Variants in ZFAND2A observed in about 807,000 individuals in gnomAD.
ZFAND2A encodes zinc finger AN1-type containing 2A, also known as AN1-type zinc finger protein 2A.
In ZFAND2A, 20 loss-of-function variants were observed where a neutral mutation model predicts 11.6. That is an observed-to-expected ratio of 1.72 (90% CI 1.21 to 2.50). The LOEUF is 2.50. Among genes scored for constraint, ZFAND2A ranks in the 30% most tolerant of loss-of-function variants. ZFAND2A has a pLI of 0.00. For synonymous variants in ZFAND2A, 93 were observed against 60.6 expected (o/e 1.54, Z -2.48); for missense variants, 234 against 182.9 (o/e 1.28, Z -1.61).
intron 4 of ZFAND2A, among the ~76,000 whole-genome samples, chr7:1,154,018 G>A (rs1793461833): frequency 6.6e-6 from 1 of 152,070 alleles, no homozygotes; most frequent in Non-Finnish European, 1.5e-5. Flanking sequence ...AGGTGCTGCT[G>A]GGAGGACAAC....
In ZFAND2A at chr7:1,157,638, G is replaced by T; in HGVS notation, c.150+18C>A. ...CAGACGGTGAAGATGAGAATCTTTT[G>T]AACAAAGGATCAATTACCTTCTGGA... On this transcript the variant is annotated intron_variant, in intron 3 of 4. Transcript: ENST00000316495. 6.4e-7 allele frequency: 1 copy of T among 1,574,190 alleles called. No homozygotes were observed. Among genetic ancestry groups the T allele is most frequent in the South Asian group, 1.2e-5 (1 of 83,726 alleles).
At chr7:1,157,621 G>C (rs374006523) in intron 3 of ZFAND2A, 35 bp downstream of exon 3, 14 of 1,560,394 alleles carry the variant, frequency 9.0e-6, no homozygotes, top group Non-Finnish European at 1.1e-5. Context: ...TTCAGACGGT[G>C]AAGATGAGAA....
chr7:1,155,765 G>T, intron 3 of ZFAND2A, 181 bp from the exon 4 acceptor site: 1 of 676,736 alleles, frequency 1.5e-6, no homozygotes, highest in South Asian at 2.0e-5. Context: ...TCTCTAGAAT[G>T]TGGGCATCAG....
downstream of ZFAND2A, among the ~76,000 whole-genome samples, chr7:1,152,619 A>AGTAGCAC (rs1393205971): frequency 6.6e-6 from 1 of 152,240 alleles, no homozygotes; most frequent in African/African-American, 2.4e-5. Context: ...AGAGGTCACG[A>AGTAGCAC]CTGTGGGATC....
At chr7:1,159,888 C>A (rs1344063728) in intron 1 of ZFAND2A, 76 bp downstream of exon 1, 2 of 177,990 alleles carry the variant, frequency 1.1e-5, no homozygotes, top group Non-Finnish European at 1.2e-5. Flanking sequence ...GCAGACAGGC[C>A]GAACCCCCGA....
downstream of ZFAND2A, among the ~76,000 whole-genome samples, chr7:1,149,708 G>C (rs556474047): frequency 2.6e-5 from 4 of 152,354 alleles, no homozygotes; most frequent in Non-Finnish European, 4.4e-5. Flanking sequence ...TGCGTGCAGA[G>C]TGCTACTGCG....
chr7:1,150,598 G>C (rs1020366110), downstream of ZFAND2A, among the ~76,000 whole-genome samples: 2 of 152,154 alleles, frequency 1.3e-5, no homozygotes, highest in African/African-American at 2.4e-5. Context: ...CACGAAGGCC[G>C]CATCTGTCAT....
chr7:1,157,747 A>G lies in ZFAND2A; in HGVS notation c.59T>C (p.Phe20Ser). The G allele has an allele frequency of 6.4e-7, 1 of 1,551,384 alleles. No homozygotes were observed. The highest frequency in any genetic ancestry group is 8.7e-7 in the Non-Finnish European group (1 of 1,153,492). Residue 20 changes from phenylalanine to serine, a missense_variant, in exon 3 of 5, where the codon TTT becomes TCT. Transcript: ENST00000316495. Reference protein sequence around the residue: ...CSEKTCKQLDFLPVKCDACKQ... With the variant: ...CSEKTCKQLDSLPVKCDACKQ... ...ACATGCATCACATTTTACTGGAAGA[A>G]AATCTAAAAAACAAAAAACAGGGAA...
downstream of ZFAND2A, among the ~76,000 whole-genome samples, chr7:1,152,691 T>C (rs1325850205): frequency 6.6e-6 from 1 of 151,982 alleles, no homozygotes; most frequent in African/African-American, 2.4e-5. Context: ...CATGTGAAGA[T>C]GAAGGTGGAG....
At position 1,155,575 on chromosome 7, in the gene ZFAND2A, C is replaced by T. The variant is rs373205829; in HGVS notation, c.160G>A (p.Val54Ile). The stretch of plus-strand genomic sequence containing the variant: ...GTATTACAGAGTGGGCATACTGGGA[C>T]GTGAACATCCTAAAAATAACAAAGG... The part of the protein sequence containing the change: ...CPFAFQKDVH[V>I]PVCPLCNTPI... The change falls in exon 4 of 5, where the codon GTC becomes ATC. Residue 54 changes from valine (V) to isoleucine (I), a missense_variant. Coordinates refer to ENST00000316495, the MANE Select transcript of ZFAND2A (RefSeq NM_182491.4). The T allele has an allele frequency of 4.7e-5, 76 of 1,611,058 alleles. No homozygotes were observed. The highest frequency in any genetic ancestry group is 2.0e-4 in the East Asian group (9 of 44,848).
At chr7:1,151,762 T>TAAAAAAAAAAAAAAAAAAAAA (rs530920394), downstream of ZFAND2A, among the ~76,000 whole-genome samples, 235 of 87,058 alleles carry the variant, frequency 2.7e-3, 22 homozygotes, top group African/African-American at 4.4e-3. Flanking sequence ...TCATCCCTTT[T>TAAAAAAAAAAAAAAAAAAAAA]AAAAAAAAAA....
At chr7:1,158,307 C>T (rs1267073893) in intron 1 of ZFAND2A, 50 bp from the exon 2 acceptor site, 1 of 1,122,370 alleles carries the variant, frequency 8.9e-7, no homozygotes, top group African/African-American at 1.5e-5. Flanking sequence ...GCCCTTCAGT[C>T]ACCAGGATTT....
At position 1,154,947 on chromosome 7, in the gene ZFAND2A, G is replaced by A. The variant is rs142162814; in HGVS notation, c.282+506C>T. Among the ~76,000 whole-genome samples, 57 of 152,188 alleles carry A rather than the reference G, an allele frequency of 3.7e-4. No homozygotes were observed. In the East Asian group the frequency reaches 8.3e-3, roughly 22 times the overall value. Reference sequence around the variant, plus strand: ...AGCCCGGCCAACATAGTGAAACCCTGTCTCTACTAAAAATACAAAAGTTAG... The same window carrying A: ...AGCCCGGCCAACATAGTGAAACCCTATCTCTACTAAAAATACAAAAGTTAG... On this transcript the variant is annotated intron_variant, in intron 4 of 4. Coordinates refer to ENST00000316495, the MANE Select transcript of ZFAND2A (RefSeq NM_182491.4).
chr7:1,155,714 C>T lies in ZFAND2A; in HGVS notation c.151-130G>A, dbSNP rs75605739. 8.3e-4 allele frequency: 1,013 copies of T among 1,219,280 alleles called. 5 individuals are homozygous for T. The African/African-American group carries it at 0.012, about 15-fold the overall frequency. 75.5% of individuals were successfully genotyped at this position (1,219,280 alleles called of 1,614,324 possible). A position where few individuals can be genotyped will look rare whatever the true frequency, so the allele number is the denominator to read the frequency against. ...ACAAAAACCGGTCTCCCGAGCCCTCCGAGAACAAAGCATCACTGGGTCATG... is the reference window on the plus strand; with the variant it reads ...ACAAAAACCGGTCTCCCGAGCCCTCTGAGAACAAAGCATCACTGGGTCATG... On this transcript the variant is annotated intron_variant, in intron 3 of 4. Coordinates refer to ENST00000316495, the MANE Select transcript of ZFAND2A (RefSeq NM_182491.4).
intron 4 of ZFAND2A, 90 bp from the exon 5 acceptor site, chr7:1,153,314 C>A: frequency 2.8e-6 from 4 of 1,425,630 alleles, no homozygotes; most frequent in Non-Finnish European, 2.9e-6. Flanking sequence ...GTGGCTTGAT[C>A]TTGGCTCACT....
downstream of ZFAND2A, among the ~76,000 whole-genome samples, chr7:1,151,762 T>TTAA (rs1554344524): frequency 2.3e-5 from 2 of 87,180 alleles, no homozygotes; most frequent in East Asian, 2.5e-4. Context: ...TCATCCCTTT[T>TTAA]AAAAAAAAAA....
chr7:1,152,727 C>T (rs545886950), downstream of ZFAND2A, among the ~76,000 whole-genome samples: 2 of 152,240 alleles, frequency 1.3e-5, no homozygotes, highest in South Asian at 4.1e-4. Context: ...TGACGAGCCC[C>T]GAGATGCTGG....
At chr7:1,150,654 G>A (rs1254246502), downstream of ZFAND2A, among the ~76,000 whole-genome samples, 3 of 152,048 alleles carry the variant, frequency 2.0e-5, no homozygotes, top group Non-Finnish European at 2.9e-5. Flanking sequence ...CTTCCCTCCC[G>A]TTTTGGCTTT....
chr7:1,151,562 G>T (rs529744568), downstream of ZFAND2A, among the ~76,000 whole-genome samples: 1 of 152,084 alleles, frequency 6.6e-6, no homozygotes, highest in East Asian at 1.9e-4. Context: ...TTTCAGTGGG[G>T]AAGTTTCAAG....
Sources: gnomAD v4.1 joint callset for allele counts (sites outside exome capture counted in the v4.1 genomes callset) on GRCh38, gnomAD v4.1.1 for gene constraint, MANE v1.5 for transcripts, NCBI Gene and HGNC (gene_info 2026-07-23, HGNC 2026-07-21) for gene names.